RASAL2: variants seen among roughly 807,000 people sequenced by gnomAD.
The protein encoded by RASAL2 is RAS protein activator like 2.
Under a neutral mutation model 128.9 loss-of-function variants are expected in RASAL2, and 58 were observed. That is an observed-to-expected ratio of 0.45 (90% CI 0.36 to 0.56). The LOEUF is 0.56. Among genes scored for constraint, RASAL2 ranks in the 20% least tolerant of loss-of-function variants. The probability of loss-of-function intolerance (pLI) is 0.00; values close to 1 mark genes in which losing one functional copy is unlikely to be tolerated. For synonymous variants in RASAL2, 561 were observed against 580.8 expected (o/e 0.97, Z 0.49); for missense variants, 1,360 against 1,601.6 (o/e 0.85, Z 2.57).
chr1:178,299,044 A>T (rs1197119517), intron 2 of RASAL2, among the ~76,000 whole-genome samples: 3 of 152,128 alleles, frequency 2.0e-5, no homozygotes, highest in Non-Finnish European at 4.4e-5. Flanking sequence ...CATAGTTCTC[A>T]TTCCACTTGA....
At chr1:178,251,884 T>C (rs1041792648) in intron 1 of RASAL2, among the ~76,000 whole-genome samples, 2 of 152,230 alleles carry the variant, frequency 1.3e-5, no homozygotes, top group Non-Finnish European at 2.9e-5. Flanking sequence ...TAGAATGTTA[T>C]GTAAATTTTA....
At chr1:178,176,793 G>A (rs1661909312) in intron 1 of RASAL2, among the ~76,000 whole-genome samples, 1 of 151,926 alleles carries the variant, frequency 6.6e-6, no homozygotes, top group Non-Finnish European at 1.5e-5. Flanking sequence ...CTACAGGCGT[G>A]TGCCACCATG....
At chr1:178,438,672 C>T (rs1676410568) in intron 5 of RASAL2, among the ~76,000 whole-genome samples, 1 of 151,874 alleles carries the variant, frequency 6.6e-6, no homozygotes, top group African/African-American at 2.4e-5. Flanking sequence ...GATGACTGAA[C>T]GGTGTTGACA....
At chr1:178,385,301 G>A (rs943595792) in intron 3 of RASAL2, among the ~76,000 whole-genome samples, 6 of 152,080 alleles carry the variant, frequency 3.9e-5, no homozygotes, top group African/African-American at 1.4e-4. Flanking sequence ...AACAGGCATG[G>A]TGGCACACAC....
intron 4 of RASAL2, among the ~76,000 whole-genome samples, chr1:178,402,057 ATTTCT>A (rs1246214488): frequency 1.3e-5 from 2 of 152,158 alleles, no homozygotes; most frequent in Non-Finnish European, 2.9e-5. Context: ...AACACCTATG[ATTTCT>A]TTTCTGTAGT....
chr1:178,097,075 TC>T (rs1267049620), intron 1 of RASAL2, among the ~76,000 whole-genome samples: 29 of 152,242 alleles, frequency 1.9e-4, no homozygotes, highest in African/African-American at 7.0e-4. Flanking sequence ...TCACCTAGGT[TC>T]TTCTCACAAT....
At chr1:178,193,737 G>A (rs1662567274) in intron 1 of RASAL2, among the ~76,000 whole-genome samples, 1 of 151,488 alleles carries the variant, frequency 6.6e-6, no homozygotes, top group African/African-American at 2.4e-5. Context: ...CATAATACAT[G>A]AAACTTAAAC....
At chr1:178,102,970 G>A (rs990169082) in intron 1 of RASAL2, among the ~76,000 whole-genome samples, 2 of 152,172 alleles carry the variant, frequency 1.3e-5, no homozygotes, top group Non-Finnish European at 2.9e-5. Flanking sequence ...AAAAAATTCA[G>A]GGTTATATTT....
intron 3 of RASAL2, among the ~76,000 whole-genome samples, chr1:178,307,054 A>G (rs1256124793): frequency 6.6e-6 from 1 of 152,056 alleles, no homozygotes; most frequent in Admixed American, 6.6e-5. Context: ...GATGTTCTAA[A>G]TAAATTGCGA....
chr1:178,301,348 A>G (rs1411483852), intron 3 of RASAL2, among the ~76,000 whole-genome samples: 1 of 152,076 alleles, frequency 6.6e-6, no homozygotes, highest in East Asian at 1.9e-4. Context: ...TTCACATCCA[A>G]GTTCTATGTA....
Position 178,467,358 on chromosome 1 carries a change from GA to G in RASAL2, c.3617del (p.Lys1206ArgfsTer17), listed in dbSNP as rs756831784. 6.2e-7 allele frequency: 1 copy of G among 1,614,114 alleles called. No individual in the cohort carries two copies. Among genetic ancestry groups the G allele is most frequent in the Non-Finnish European group, 8.5e-7 (1 of 1,179,982 alleles). ...SRLMAVEEELKKDHAEMQAVI... is the reference protein window; with the variant it reads ...SRLMAVEEELXKDHAEMQAVI... ...GGCTAATGGCTGTGGAAGAGGAACT[GA>G]AGAAGGATCATGCTGAGATGCAAGC... On this transcript the variant is annotated frameshift_variant, in exon 17 of 18. Coordinates refer to ENST00000367649, the MANE Select transcript of RASAL2 (RefSeq NM_170692.4). LOFTEE classifies it high-confidence loss of function.
At chr1:178,203,173 G>C (rs943129563) in intron 1 of RASAL2, among the ~76,000 whole-genome samples, 3 of 152,178 alleles carry the variant, frequency 2.0e-5, no homozygotes, top group African/African-American at 7.2e-5. Flanking sequence ...ACTACCATAT[G>C]TGGACTCAAG....
intron 1 of RASAL2, among the ~76,000 whole-genome samples, chr1:178,110,543 A>G (rs1433558410): frequency 6.9e-6 from 1 of 145,860 alleles, no homozygotes; most frequent in Non-Finnish European, 1.5e-5. Context: ...TATATACTAT[A>G]TATACAGTGT....
Position 178,464,410 on chromosome 1 carries a change from A to G in RASAL2, c.3385A>G (p.Lys1129Glu). Residue 1129 changes from lysine to glutamate, a missense_variant and splice_region_variant, in exon 15 of 18, where the codon AAG becomes GAG. This residue lies in a region of RASAL2 where 741 missense variants were observed against 868.6 expected (regional missense o/e 0.85). Coordinates refer to ENST00000367649, the MANE Select transcript of RASAL2 (RefSeq NM_170692.4). ...QNLDEAKHAEKYEQEITKLKE... is the reference protein window; with the variant it reads ...QNLDEAKHAEEYEQEITKLKE... ...TCTAGATGAAGCCAAGCATGCTGAG[A>G]AGGTAGAACCTAGTCTGCTTCATCA... 1.2e-6 allele frequency: 2 copies of G among 1,613,548 alleles called. No homozygotes were observed. The highest frequency in any genetic ancestry group is 1.7e-6 in the Non-Finnish European group (2 of 1,179,700).
chr1:178,375,162 G>C (rs754118514), intron 3 of RASAL2, among the ~76,000 whole-genome samples: 1 of 152,060 alleles, frequency 6.6e-6, no homozygotes, highest in Non-Finnish European at 1.5e-5. Flanking sequence ...AATCCTAAAA[G>C]ATTTTTTATG....
chr1:178,397,319 T>C (rs1385922922), intron 4 of RASAL2, among the ~76,000 whole-genome samples: 1 of 152,124 alleles, frequency 6.6e-6, no homozygotes, highest in Non-Finnish European at 1.5e-5. Flanking sequence ...TACTGACACA[T>C]GCCACAACAT....
chr1:178,465,789 G>T, intron 15 of RASAL2, 131 bp from the exon 16 acceptor site: 1 of 795,398 alleles, frequency 1.3e-6, no homozygotes, highest in Non-Finnish European at 1.9e-6. Flanking sequence ...ACACTGCTTA[G>T]GGTTTCTTTT....
intron 3 of RASAL2, among the ~76,000 whole-genome samples, chr1:178,321,063 T>C (rs1040651692): frequency 3.9e-5 from 6 of 152,180 alleles, no homozygotes; most frequent in African/African-American, 1.2e-4. Context: ...AAAAGTACTT[T>C]ATCTGTGCAC....
chr1:178,340,618 C>T lies in RASAL2; in HGVS notation c.457+40500C>T, dbSNP rs376745011. Among the ~76,000 whole-genome samples the T allele has an allele frequency of 3.9e-4, 60 of 152,122 alleles. No homozygotes were observed. In the South Asian group the frequency reaches 0.012, roughly 32 times the overall value. The stretch of plus-strand genomic sequence containing the variant: ...TATTCTTTATTTAAAAAATGAAGTT[C>T]TCAGTTTTAATCTCAACAGGAAATC... On this transcript the variant is annotated intron_variant, in intron 3 of 17. Transcript: ENST00000367649.
Sources: allele counts gnomAD v4.1 joint callset (sites outside exome capture counted in the v4.1 genomes callset), GRCh38; gene constraint gnomAD v4.1.1; regional missense constraint gnomAD v4.1.1; transcripts MANE v1.5; gene names NCBI Gene and HGNC (gene_info 2026-07-23, HGNC 2026-07-21).